The following RNF20 variants were observed in gnomAD, a reference collection of about 807,000 sequenced individuals.
The protein encoded by RNF20 is ring finger protein 20.
A neutral mutation model predicts 126.2 loss-of-function variants in RNF20; 84 were observed. That is an observed-to-expected ratio of 0.67 (90% CI 0.56 to 0.80). RNF20 has a LOEUF of 0.80. RNF20 is among the 30% of genes least tolerant of loss of function. The probability of loss-of-function intolerance (pLI) is 0.00; values close to 1 mark genes in which losing one functional copy is unlikely to be tolerated. For missense variants in RNF20, 869 were observed against 1,188.2 expected (o/e 0.73, Z 3.95); for synonymous variants, 400 against 414.3 (o/e 0.97, Z 0.42).
rs924173254 is a variant in RNF20 at position 101,562,320 on chromosome 9, C to T, written c.2826C>T (p.Cys942=). Reference sequence around the variant, plus strand: ...TTACTAAGTGTTTTCATGTCTTCTGCTTTGAGTGTGTGAAGACACGCTATG... The same window carrying T: ...TTACTAAGTGTTTTCATGTCTTCTGTTTTGAGTGTGTGAAGACACGCTATG... ...AVLTKCFHVF[C]FECVKTRYDT... is the part of the protein sequence containing the mutation. Residue 942 remains cysteine, a synonymous_variant, in exon 20 of 20, where the codon TGC becomes TGT. Transcript: ENST00000389120. The T allele has an allele frequency of 2.5e-6, 4 of 1,614,020 alleles. No homozygotes were observed. In the African/African-American group the frequency reaches 5.3e-5, roughly 22 times the overall value.
chr9:101,539,088 T>A (rs1469109264), intron 2 of RNF20, among the ~76,000 whole-genome samples: 2 of 152,228 alleles, frequency 1.3e-5, no homozygotes, highest in African/African-American at 4.8e-5. Context: ...TTCCATCTGA[T>A]GGCTTCTATT....
chr9:101,558,419 C>G (rs1827571370), intron 16 of RNF20, among the ~76,000 whole-genome samples: 1 of 152,048 alleles, frequency 6.6e-6, no homozygotes, highest in Admixed American at 6.6e-5. Context: ...TGGGTAGATA[C>G]CCGGAAGTGG....
At chr9:101,555,426 A>G (rs1377403968) in intron 15 of RNF20, among the ~76,000 whole-genome samples, 1 of 152,104 alleles carries the variant, frequency 6.6e-6, no homozygotes, top group African/African-American at 2.4e-5. Context: ...TCCTCCTTAT[A>G]ATGAATATGT....
intron 18 of RNF20, 29 bp from the exon 19 acceptor site, chr9:101,561,881 T>C (rs1403672444): frequency 1.4e-6 from 2 of 1,429,296 alleles, no homozygotes; most frequent in Admixed American, 1.7e-5. Context: ...TGGGTAAGTG[T>C]GTCTAATGGG....
At chr9:101,545,473 A>G (rs1490158415) in intron 6 of RNF20, among the ~76,000 whole-genome samples, 1 of 152,216 alleles carries the variant, frequency 6.6e-6, no homozygotes. Flanking sequence ...TTATTGCCAA[A>G]GAAACAAATT....
intron 18 of RNF20, 36 bp from the exon 19 acceptor site, chr9:101,561,864 ATAGATTTGGG>A: frequency 7.9e-7 from 1 of 1,273,312 alleles, no homozygotes; most frequent in East Asian, 2.3e-5. Flanking sequence ...CTCAAAAATG[ATAGATTTGGG>A]TAAGTGTGTC....
At chr9:101,539,744 G>A (rs919165366) in intron 2 of RNF20, among the ~76,000 whole-genome samples, 6 of 152,310 alleles carry the variant, frequency 3.9e-5, no homozygotes, top group Admixed American at 2.0e-4. Flanking sequence ...TGGAAAAACT[G>A]ACAGCCTAGA....
At chr9:101,554,646 A>T (rs766836086) in intron 14 of RNF20, 48 bp from the exon 15 acceptor site, 1 of 1,550,134 alleles carries the variant, frequency 6.5e-7, no homozygotes, top group South Asian at 1.2e-5. Context: ...TGATTTTTGA[A>T]AATGTGTTAT....
chr9:101,547,688 C>T (rs993367978), intron 9 of RNF20, among the ~76,000 whole-genome samples, 170 bp downstream of exon 9: 2 of 152,110 alleles, frequency 1.3e-5, no homozygotes, highest in African/African-American at 4.8e-5. Context: ...AAGTGTACCT[C>T]AACATAATAA....
rs1240952891 is a variant in RNF20, at chr9:101,561,148, A to G, written c.2567A>G (p.Lys856Arg). The G allele has an allele frequency of 6.2e-7, 1 of 1,613,958 alleles. No homozygotes were observed. Among genetic ancestry groups the G allele is most frequent in the Non-Finnish European group, 8.5e-7 (1 of 1,179,840 alleles). The change falls in exon 18 of 20, where the codon AAG becomes AGG. Residue 856 changes from lysine to arginine, a missense_variant. Transcript: ENST00000389120. ...AAAGCACAACTGGAGTTGGCTCAGA[A>G]GAAGCTACATGATTTTCAGGATGAG... ...DLKAQLELAQ[K>R]KLHDFQDEIV...
intron 19 of RNF20, 108 bp from the exon 20 acceptor site, chr9:101,562,138 T>G (rs1207878111): frequency 7.4e-7 from 1 of 1,346,734 alleles, no homozygotes; most frequent in African/African-American, 1.5e-5. Flanking sequence ...GAAATGATGC[T>G]CTTTTTTTAG....
At chr9:101,545,015 C>T in intron 6 of RNF20, 130 bp downstream of exon 6, 3 of 665,568 alleles carry the variant, frequency 4.5e-6, no homozygotes, top group Non-Finnish European at 8.1e-6. Flanking sequence ...TTGTAAAACA[C>T]AACACAACTC....
In RNF20 at chr9:101,561,896, C is replaced by CT. The variant is rs1564113757; in HGVS notation, c.2650-13dup. 1 of 1,565,082 alleles carries CT rather than the reference C, an allele frequency of 6.4e-7. No individual in the cohort carries two copies. Among genetic ancestry groups the CT allele is most frequent in the Non-Finnish European group, 8.8e-7 (1 of 1,135,470 alleles). ...TGGGTAAGTGTGTCTAATGGGTATG[C>CT]TATCCTGCCACAGGAGGACATCTCT... is the stretch of plus-strand genomic sequence containing the variant. On this transcript the variant is annotated splice_polypyrimidine_tract_variant and intron_variant, in intron 18 of 19. Coordinates refer to ENST00000389120, the MANE Select transcript of RNF20 (RefSeq NM_019592.7).
intron 9 of RNF20, among the ~76,000 whole-genome samples, chr9:101,547,891 G>C (rs1827377857): frequency 6.6e-6 from 1 of 152,024 alleles, no homozygotes; most frequent in African/African-American, 2.4e-5. Context: ...TCTGTTTATA[G>C]ATGACATGAC....
intron 8 of RNF20, 84 bp from the exon 9 acceptor site, chr9:101,547,315 A>G: frequency 1.2e-6 from 2 of 1,603,762 alleles, no homozygotes; most frequent in Non-Finnish European, 1.7e-6. Context: ...GTTTTGCTGG[A>G]ATAGCGAATC....
chr9:101,557,762 T>A (rs552343078), intron 16 of RNF20, among the ~76,000 whole-genome samples, 166 bp downstream of exon 16: 1 of 152,344 alleles, frequency 6.6e-6, no homozygotes, highest in East Asian at 1.9e-4. Context: ...ACATCTCTAC[T>A]GTTATTCCTA....
In RNF20 at chr9:101,550,749, C is replaced by T. The variant is rs552281848; in HGVS notation, c.1236C>T (p.Thr412=). 1 of 1,614,168 alleles carries T rather than the reference C, an allele frequency of 6.2e-7. No individual in the cohort carries two copies. Among genetic ancestry groups the T allele is most frequent in the Non-Finnish European group, 8.5e-7 (1 of 1,180,004 alleles). Residue 412 remains threonine, a synonymous_variant, in exon 10 of 20, where the codon ACC becomes ACT. Transcript: ENST00000389120. ...AGGCTCGGACCCTGCTTCATGGCACCAGAGGAACCCACCAGCACCAGGTTG... is the reference window on the plus strand; with the variant it reads ...AGGCTCGGACCCTGCTTCATGGCACTAGAGGAACCCACCAGCACCAGGTTG... ...LDEARTLLHG[T]RGTHQHQVEL... is the part of the protein sequence containing the mutation.
In RNF20 at chr9:101,552,679, T is replaced by A; in HGVS notation, c.1827T>A (p.Asp609Glu). 3 of 1,550,810 alleles carry A rather than the reference T, an allele frequency of 1.9e-6. No homozygotes were observed. Among genetic ancestry groups the A allele is most frequent in the Non-Finnish European group, 2.7e-6 (3 of 1,122,682 alleles). Reference protein sequence around the residue: ...ESEKERDSAKDKEKGKHDDGR... With the variant: ...ESEKERDSAKEKEKGKHDDGR... ...AAAAAGAGAGAGATTCTGCTAAGGA[T>A]AAAGAGAAAGGCAAACATGATGATG... The change falls in exon 13 of 20, where the codon GAT becomes GAA. Residue 609 changes from aspartate to glutamate, a missense_variant. Asp to Glu is a conservative substitution (Grantham distance 45). This residue lies in a region of RNF20 where 231 missense variants were observed against 263.6 expected (regional missense o/e 0.88). Transcript: ENST00000389120.
At chr9:101,548,491 T>C (rs908466655) in intron 9 of RNF20, among the ~76,000 whole-genome samples, 2 of 152,152 alleles carry the variant, frequency 1.3e-5, no homozygotes, top group East Asian at 3.9e-4. Context: ...AAAAGATAAC[T>C]GTGAGGTGAA....
Sources: gnomAD v4.1 joint callset for allele counts (sites outside exome capture counted in the v4.1 genomes callset) on GRCh38, gnomAD v4.1.1 for gene constraint, gnomAD v4.1.1 regional missense constraint, MANE v1.5 for transcripts, NCBI Gene and HGNC (gene_info 2026-07-23, HGNC 2026-07-21) for gene names.